Variants in HMCN2 observed in about 807,000 individuals in gnomAD.
HMCN2 encodes hemicentin-2.
A neutral mutation model predicts 377.5 loss-of-function variants in HMCN2; 325 were observed. The ratio of observed to expected loss-of-function variants is 0.86; its 90% confidence interval spans 0.79 to 0.94. HMCN2 has a LOEUF of 0.94. Among genes scored for constraint, HMCN2 ranks in the 40% least tolerant of loss-of-function variants. The pLI is 0.00. For missense variants in HMCN2, 4,543 were observed against 4,725.3 expected, an observed-to-expected ratio of 0.96 and a Z score of 1.13; for synonymous variants, 2,007 against 2,046.8, an observed-to-expected ratio of 0.98 and a Z score of 0.53.
rs562158376 is a variant in HMCN2, at chr9:130,301,821, G to A, written c.1277-1036G>A. On this transcript the variant is annotated intron_variant, in intron 8 of 97. Transcript: ENST00000683500. ...ACAAAGGTTGAGCCCTTGCCAGGGG[G>A]CACCCAGCTCTGATGGGCCATGGCT... 2.6e-5 allele frequency among the ~76,000 whole-genome samples: 4 copies of A among 152,360 alleles called. No homozygotes were observed. The South Asian group carries it at 8.3e-4, about 32-fold the overall frequency.
chr9:130,282,287 T>C (rs553053060), intron 1 of HMCN2, among the ~76,000 whole-genome samples: 3 of 152,360 alleles, frequency 2.0e-5, no homozygotes, highest in African/African-American at 7.2e-5. Flanking sequence ...TTTAGCTACC[T>C]GGTTTCACTG....
chr9:130,421,634 C>T (rs1477107208), intron 86 of HMCN2, among the ~76,000 whole-genome samples: 2 of 152,310 alleles, frequency 1.3e-5, no homozygotes, highest in South Asian at 2.1e-4. Context: ...CTTCACTCCC[C>T]TATTAAAAGG....
In HMCN2 at chr9:130,393,824, C is replaced by T; in HGVS notation, c.10317C>T (p.Ala3439=). ...RGSLVELPCE[A]RGVPLPLVSW... ...CCCTGGTGGAACTCCCGTGCGAGGC[C>T]CGGGGCGTTCCCCTGCCTCTCGTGT... Residue 3439 remains alanine (A), a synonymous_variant, in exon 68 of 98, where the codon GCC becomes GCT. Coordinates refer to ENST00000683500, the MANE Select transcript of HMCN2 (RefSeq NM_001291815.2). The surrounding 1 kb of genome is among the most constrained non-coding windows in gnomAD (Gnocchi z 5.2). 1 of 1,289,092 alleles carries T rather than the reference C, an allele frequency of 7.8e-7. No individual in the cohort carries two copies. The highest frequency in any genetic ancestry group is 1.0e-6 in the Non-Finnish European group (1 of 988,538). 79.9% of individuals were successfully genotyped at this position (1,289,092 alleles called of 1,614,324 possible).
rs1554937323 is a variant in HMCN2, at chr9:130,307,579, G to A, written c.2200+13G>A. The A allele has an allele frequency of 2.1e-6, 1 of 471,128 alleles. No homozygotes were observed. Among genetic ancestry groups the A allele is most frequent in the Non-Finnish European group, 4.4e-6 (1 of 227,040 alleles). The allele number at this position is 471,128 out of a possible 1,614,324, so 29.2% of individuals were successfully genotyped here. A position where few individuals can be genotyped will look rare whatever the true frequency, so the allele number is the denominator to read the frequency against. ...ATCTGGTATCGAGGTGTGTTGGTGGGGAGGGGCCCTGAAGGAACAGCTTTC... is the reference window on the plus strand; with the variant it reads ...ATCTGGTATCGAGGTGTGTTGGTGGAGAGGGGCCCTGAAGGAACAGCTTTC... On this transcript the variant is annotated intron_variant, in intron 14 of 97. Coordinates refer to ENST00000683500, the MANE Select transcript of HMCN2 (RefSeq NM_001291815.2).
At chr9:130,385,902 A>C in intron 60 of HMCN2, 140 bp downstream of exon 60, 1 of 468,180 alleles carries the variant, frequency 2.1e-6, no homozygotes, top group East Asian at 7.1e-5. Flanking sequence ...CGAGTGGATT[A>C]GCAGCTTCCA....
At chr9:130,364,972 A>G in intron 41 of HMCN2, 83 bp downstream of exon 41, 1 of 825,402 alleles carries the variant, frequency 1.2e-6, no homozygotes, top group Non-Finnish European at 1.5e-6. Flanking sequence ...CAGCTCAGTG[A>G]CCTGCAAGCC....
At position 130,341,202 on chromosome 9, in the gene HMCN2, G is replaced by A. The variant is rs1839028575; in HGVS notation, c.3579G>A (p.Glu1193=). Residue 1193 remains glutamate, a synonymous_variant, in exon 24 of 98, where the codon GAG becomes GAA. Coordinates refer to ENST00000683500, the MANE Select transcript of HMCN2 (RefSeq NM_001291815.2). ...ACTGTGTGGCTGAGGGCAACCCAGA[G>A]CCCCAGCTGAGCTGGTCCAAGGATG... The part of the protein sequence containing the change: ...DLNCVAEGNP[E]PQLSWSKDGV... 6.6e-6 allele frequency: 1 copy of A among 152,366 alleles called. No individual in the cohort carries two copies. The highest frequency in any genetic ancestry group is 1.5e-5 in the Non-Finnish European group (1 of 68,160). The allele number at this position is 152,366 out of a possible 1,614,324, so 9.4% of individuals were successfully genotyped here.
chr9:130,408,516 T>C (rs1312170139), intron 83 of HMCN2, among the ~76,000 whole-genome samples: 1 of 152,210 alleles, frequency 6.6e-6, no homozygotes, highest in East Asian at 1.9e-4. Context: ...CTTCAAATGC[T>C]TCTCAGCACA....
chr9:130,433,724 G>C lies in HMCN2; in HGVS notation c.*31G>C, dbSNP rs1485846273. On this transcript the variant is annotated 3_prime_UTR_variant, in exon 98 of 98. Coordinates refer to ENST00000683500, the MANE Select transcript of HMCN2 (RefSeq NM_001291815.2). ...AGAGGGCATTGGCGGCCGCCCTGGCGTGACCCCCGAGGAAGGGGTCGAGGA... is the reference window on the plus strand; with the variant it reads ...AGAGGGCATTGGCGGCCGCCCTGGCCTGACCCCCGAGGAAGGGGTCGAGGA... 1.4e-6 allele frequency: 2 copies of C among 1,410,368 alleles called. No individual in the cohort carries two copies. The highest frequency in any genetic ancestry group is 1.5e-5 in the South Asian group (1 of 64,992). The allele number at this position is 1,410,368 out of a possible 1,614,324, so 87.4% of individuals were successfully genotyped here.
chr9:130,413,983 C>G (rs11244246), intron 85 of HMCN2, among the ~76,000 whole-genome samples: 56,660 of 126,526 alleles, frequency 0.45, 11,253 homozygotes, highest in South Asian at 0.55. Flanking sequence ...CCATCTCTAC[C>G]AAAAATACAA....
intron 44 of HMCN2, among the ~76,000 whole-genome samples, chr9:130,368,848 G>C (rs1400941393): frequency 6.6e-6 from 1 of 152,076 alleles, no homozygotes; most frequent in Non-Finnish European, 1.5e-5. Flanking sequence ...AGGGGAAACC[G>C]CCCAGATGAT....
rs1554931833 is a variant in HMCN2, at chr9:130,295,719, T to G, written c.838T>G (p.Ser280Ala). The G allele has an allele frequency of 4.2e-6, 2 of 470,944 alleles. No individual in the cohort carries two copies. The highest frequency in any genetic ancestry group is 1.4e-4 in the East Asian group (2 of 14,404). 29.2% of individuals were successfully genotyped at this position (470,944 alleles called of 1,614,324 possible). Residue 280 changes from serine to alanine, a missense_variant, in exon 6 of 98, where the codon TCG becomes GCG. By Grantham distance (99) the Ser-to-Ala change is moderately conservative. This residue lies in a region of HMCN2 where 547 missense variants were observed against 189.9 expected (regional missense o/e 2.88). Coordinates refer to ENST00000683500, the MANE Select transcript of HMCN2 (RefSeq NM_001291815.2). ...GLNVLLNIPD[S>A]AKVVAFKPEH... ...CAACGTGCTTCTCAACATCCCTGACTCGGCCAAGGTCGTAGCCTTTAAGCC... is the reference window on the plus strand; with the variant it reads ...CAACGTGCTTCTCAACATCCCTGACGCGGCCAAGGTCGTAGCCTTTAAGCC...
Position 130,354,473 on chromosome 9 carries a change from GA to G in HMCN2, c.4865-289del, listed in dbSNP as rs558627879. The stretch of plus-strand genomic sequence containing the variant: ...GGACCTGCTGTGTATAGGCACTGGG[GA>G]TGCAAGTAGGCCGGCCGTCTTTCCA... On this transcript the variant is annotated intron_variant, in intron 31 of 97. Transcript: ENST00000683500. Among the ~76,000 whole-genome samples, 339 of 152,316 alleles carry G rather than the reference GA, an allele frequency of 2.2e-3. 2 individuals carry two copies. Among genetic ancestry groups the G allele is most frequent in the African/African-American group, 8.0e-3 (331 of 41,574 alleles).
chr9:130,334,881 C>T (rs1016139768), intron 22 of HMCN2, among the ~76,000 whole-genome samples: 141 of 151,192 alleles, frequency 9.3e-4, no homozygotes, highest in Non-Finnish European at 1.6e-3. Context: ...AGTCTTGCCC[C>T]GTTGCCCAGG....
chr9:130,359,936 C>T (rs1285296102), intron 37 of HMCN2, among the ~76,000 whole-genome samples: 1 of 152,144 alleles, frequency 6.6e-6, no homozygotes, highest in Non-Finnish European at 1.5e-5. Context: ...GGGGACATGT[C>T]CCGGCAGGAT....
At chr9:130,345,734 A>G (rs1021533827) in intron 25 of HMCN2, among the ~76,000 whole-genome samples, 30,936 of 151,756 alleles carry the variant, frequency 0.2, 3,606 homozygotes, top group East Asian at 0.53. Context: ...TCCAGAGGAA[A>G]ACGGGCACAG....
chr9:130,427,382 G>GC lies in HMCN2; in HGVS notation c.13942+12dup, dbSNP rs765611814. On this transcript the variant is annotated splice_region_variant and intron_variant, in intron 91 of 97. Transcript: ENST00000683500. The stretch of plus-strand genomic sequence containing the variant: ...CAGGGAGCGTTTTGTGTGGGTGAGC[G>GC]CCCCCAACCCTGGCATGGATGTGGG... 1.1e-4 allele frequency: 172 copies of GC among 1,550,552 alleles called. No homozygotes were observed. The highest frequency in any genetic ancestry group is 1.4e-4 in the Non-Finnish European group (157 of 1,146,988).
intron 13 of HMCN2, 56 bp downstream of exon 13, chr9:130,306,994 C>T (rs1836903550): frequency 2.4e-6 from 1 of 424,660 alleles, no homozygotes; most frequent in Admixed American, 2.6e-5. Context: ...CCTCCCTCCT[C>T]CCTCCCTCCC....
chr9:130,348,523 C>T (rs1839513761), intron 26 of HMCN2, 22 bp from the exon 27 acceptor site: 13 of 1,302,606 alleles, frequency 1.0e-5, no homozygotes, highest in Non-Finnish European at 1.3e-5. Flanking sequence ...GAAGCAGCTC[C>T]TCGGCTCTCC....
Sources: allele counts gnomAD v4.1 joint callset (sites outside exome capture counted in the v4.1 genomes callset), GRCh38; gene constraint gnomAD v4.1.1; regional missense constraint gnomAD v4.1.1; non-coding constraint Gnocchi (gnomAD v3.1); transcripts MANE v1.5; gene names NCBI Gene and HGNC (gene_info 2026-07-23, HGNC 2026-07-21).